The following ZNF804B variants were observed in gnomAD, a reference collection of about 807,000 sequenced individuals.
The protein encoded by ZNF804B is zinc finger protein 804B.
A neutral mutation model predicts 101.4 loss-of-function variants in ZNF804B; 80 were observed. The observed-to-expected ratio is 0.79, with a 90% CI of 0.66 to 0.95. The LOEUF (loss-of-function observed/expected upper bound fraction) is 0.95, where lower values mean the gene tolerates loss of function less well. Ranked by LOEUF, ZNF804B falls within the 40% of genes least tolerant of loss-of-function variation. ZNF804B has a pLI of 0.00. For synonymous variants in ZNF804B, 622 were observed against 558.8 expected, an observed-to-expected ratio of 1.11 and a Z score of -1.59; for missense variants, 1,673 against 1,561.9, an observed-to-expected ratio of 1.07 and a Z score of -1.20.
chr7:89,055,026 A>G (rs1310829919), intron 1 of ZNF804B, among the ~76,000 whole-genome samples: 3 of 152,180 alleles, frequency 2.0e-5, no homozygotes, highest in East Asian at 1.9e-4. Flanking sequence ...TTAAGATAGT[A>G]ATAATTACTA....
chr7:89,333,417 A>T lies in ZNF804B; in HGVS notation c.435A>T (p.Gln145His), dbSNP rs761738065. Residue 145 changes from glutamine (Q) to histidine (H), a missense_variant, in exon 4 of 4, where the codon CAA becomes CAT. Transcript: ENST00000333190. ...YKAPRVAIEK[Q>H]LQQGIFPIKN... ...CCCCCAGGGTAGCCATAGAAAAGCA[A>T]CTCCAGCAAGGAATTTTCCCCATTA... 6.2e-7 allele frequency: 1 copy of T among 1,612,606 alleles called. No individual in the cohort carries two copies. The highest frequency in any genetic ancestry group is 8.5e-7 in the Non-Finnish European group (1 of 1,179,314).
At chr7:89,172,727 T>C (rs548913366) in intron 1 of ZNF804B, among the ~76,000 whole-genome samples, 10 of 152,318 alleles carry the variant, frequency 6.6e-5, no homozygotes, top group South Asian at 4.1e-4. Context: ...ATCTCACTTA[T>C]AATTTGAAAT....
At chr7:88,778,615 AG>A (rs1790181259) in intron 1 of ZNF804B, among the ~76,000 whole-genome samples, 1 of 152,234 alleles carries the variant, frequency 6.6e-6, no homozygotes, top group Non-Finnish European at 1.5e-5. Flanking sequence ...TTCATCTAGC[AG>A]CCTAGGCTTG....
Position 88,868,033 on chromosome 7 carries a change from C to CTG in ZNF804B, c.108+107962_108+107963dup, listed in dbSNP as rs796357574. 4.1e-4 allele frequency among the ~76,000 whole-genome samples: 55 copies of CTG among 135,094 alleles called. No homozygotes were observed. In the East Asian group the frequency reaches 5.3e-3, roughly 13 times the overall value. 88.6% of individuals were successfully genotyped at this position (135,094 alleles called of 152,430 possible). ...TAAATGTGCAATATTCATAATTCTA[C>CTG]TGTGTGTGTGTGTGAGTGTGTGTGT... On this transcript the variant is annotated intron_variant, in intron 1 of 3. Transcript: ENST00000333190.
intron 1 of ZNF804B, among the ~76,000 whole-genome samples, chr7:88,805,822 A>G (rs1396461580): frequency 6.6e-6 from 1 of 152,144 alleles, no homozygotes; most frequent in Non-Finnish European, 1.5e-5. Context: ...TCTCAATGAC[A>G]AGTACCTCTT....
At chr7:89,097,242 C>G (rs1469665993) in intron 1 of ZNF804B, among the ~76,000 whole-genome samples, 2 of 152,222 alleles carry the variant, frequency 1.3e-5, no homozygotes, top group South Asian at 2.1e-4. Flanking sequence ...GTTTCTGTGA[C>G]TCTTTCTTGC....
At chr7:88,808,178 G>A (rs1790721024) in intron 1 of ZNF804B, among the ~76,000 whole-genome samples, 1 of 151,900 alleles carries the variant, frequency 6.6e-6, no homozygotes, top group Non-Finnish European at 1.5e-5. Context: ...GATCACCTGA[G>A]GTCAGGAGTT....
intron 2 of ZNF804B, among the ~76,000 whole-genome samples, chr7:89,305,868 G>A (rs1013900185): frequency 6.6e-6 from 1 of 151,774 alleles, no homozygotes; most frequent in Non-Finnish European, 1.5e-5. Context: ...ATAAAGATGT[G>A]TACTTTTTAT....
At chr7:89,330,145 G>A (rs1241462746) in intron 3 of ZNF804B, among the ~76,000 whole-genome samples, 2 of 151,670 alleles carry the variant, frequency 1.3e-5, no homozygotes, top group Admixed American at 6.6e-5. Context: ...CCAAAGAAGT[G>A]AGGGAAATAT....
chr7:88,838,430 G>T (rs992624798), intron 1 of ZNF804B, among the ~76,000 whole-genome samples: 5 of 151,876 alleles, frequency 3.3e-5, no homozygotes, highest in Admixed American at 3.3e-4. Context: ...CAATATTTTA[G>T]AGTAGAACAC....
At chr7:88,781,745 A>ACG (rs953402368) in intron 1 of ZNF804B, among the ~76,000 whole-genome samples, 7 of 152,148 alleles carry the variant, frequency 4.6e-5, no homozygotes, top group African/African-American at 9.7e-5. Flanking sequence ...AGATTTGAAC[A>ACG]CAGATCCTCA....
intron 2 of ZNF804B, among the ~76,000 whole-genome samples, chr7:89,248,631 A>C (rs1013227582): frequency 2.0e-5 from 3 of 152,166 alleles, no homozygotes; most frequent in Non-Finnish European, 4.4e-5. Flanking sequence ...CAAGTAATAC[A>C]TAAGGGAGTT....
intron 1 of ZNF804B, among the ~76,000 whole-genome samples, chr7:88,849,989 A>G (rs1791429626): frequency 6.6e-6 from 1 of 152,130 alleles, no homozygotes; most frequent in South Asian, 2.1e-4. Context: ...CTGAGTATAA[A>G]TACATGAAAA....
intron 1 of ZNF804B, among the ~76,000 whole-genome samples, chr7:88,796,157 G>A (rs1363864413): frequency 6.6e-6 from 1 of 151,962 alleles, no homozygotes; most frequent in African/African-American, 2.4e-5. Flanking sequence ...CTTAAGAGAT[G>A]CATCTCTTAA....
chr7:89,001,796 A>G (rs2116173600), intron 1 of ZNF804B, among the ~76,000 whole-genome samples: 1 of 152,068 alleles, frequency 6.6e-6, no homozygotes, highest in East Asian at 1.9e-4. Context: ...TGTCATGTAC[A>G]TGATGAAGAT....
intron 1 of ZNF804B, among the ~76,000 whole-genome samples, chr7:89,099,485 A>G (rs1790022037): frequency 6.6e-6 from 1 of 152,186 alleles, no homozygotes; most frequent in South Asian, 2.1e-4. Flanking sequence ...GGGCTGGGAA[A>G]AGGTCCAGTT....
chr7:88,780,113 T>C (rs1037162855), intron 1 of ZNF804B, among the ~76,000 whole-genome samples: 1 of 152,114 alleles, frequency 6.6e-6, no homozygotes, highest in South Asian at 2.1e-4. Context: ...AAATCAAAAC[T>C]ACAATAAGAT....
intron 2 of ZNF804B, among the ~76,000 whole-genome samples, chr7:89,278,210 T>C (rs1027655355): frequency 1.4e-5 from 2 of 141,174 alleles, no homozygotes; most frequent in African/African-American, 5.1e-5. Context: ...TGTTTTTTTC[T>C]TGTAAATTTG....
intron 1 of ZNF804B, among the ~76,000 whole-genome samples, chr7:88,858,014 G>C (rs750171622): frequency 4.6e-5 from 7 of 151,404 alleles, no homozygotes; most frequent in East Asian, 3.9e-4. Flanking sequence ...GTAGAGACAG[G>C]GTTTTGCCAT....
Sources: gnomAD v4.1 joint callset for allele counts (sites outside exome capture counted in the v4.1 genomes callset) on GRCh38, gnomAD v4.1.1 for gene constraint, MANE v1.5 for transcripts, NCBI Gene and HGNC (gene_info 2026-07-23, HGNC 2026-07-21) for gene names.